Variants in SLC12A7 observed in about 807,000 individuals in gnomAD.
SLC12A7 encodes solute carrier family 12 member 7, also known as K-Cl cotransporter 4.
In SLC12A7, 100 loss-of-function variants were observed where a neutral mutation model predicts 120.6. The ratio of observed to expected loss-of-function variants is 0.83; its 90% CI spans 0.71 to 0.98. The LOEUF (loss-of-function observed/expected upper bound fraction) is 0.98. Among genes scored for constraint, SLC12A7 ranks in the 50% least tolerant of loss-of-function variants. The pLI is 0.00. For missense variants in SLC12A7, 1,373 were observed against 1,548.1 expected (o/e 0.89, Z 1.90); for synonymous variants, 760 against 678.0 (o/e 1.12, Z -1.88).
the SLC12A7 span, among the ~76,000 whole-genome samples, chr5:1,149,084 TC>T: frequency 6.8e-6 from 1 of 146,372 alleles, no homozygotes; most frequent in Non-Finnish European, 1.5e-5. Flanking sequence ...TGTGCAAATG[TC>T]TCTCTGAGCC....
chr5:1,100,248 G>C (rs906860814), intron 1 of SLC12A7, among the ~76,000 whole-genome samples: 1 of 152,318 alleles, frequency 6.6e-6, no homozygotes, highest in East Asian at 1.9e-4. Flanking sequence ...GGTACCCTCC[G>C]CGCCGCCTGA....
the SLC12A7 span, among the ~76,000 whole-genome samples, chr5:1,130,921 G>A: frequency 8.7e-4 from 133 of 152,302 alleles, 1 homozygote; most frequent in East Asian, 0.018. Flanking sequence ...CAACATTGGA[G>A]TAGCACAGGG....
At chr5:1,079,528 T>C in intron 9 of SLC12A7, 32 bp from the exon 10 acceptor site, 1 of 1,564,920 alleles carries the variant, frequency 6.4e-7, no homozygotes, top group Non-Finnish European at 8.8e-7. Flanking sequence ...CAAAGACCCA[T>C]CTGAGGAGTC....
chr5:1,083,686 G>A, intron 8 of SLC12A7, 59 bp downstream of exon 8: 1 of 1,544,318 alleles, frequency 6.5e-7, no homozygotes, highest in Non-Finnish European at 8.9e-7. Context: ...CAGCCACCAG[G>A]GCCAGCGCCT....
intron 8 of SLC12A7, among the ~76,000 whole-genome samples, chr5:1,083,312 G>T (rs998037657): frequency 2.0e-5 from 3 of 152,252 alleles, no homozygotes; most frequent in Non-Finnish European, 2.9e-5. Flanking sequence ...TCCCGTCTCG[G>T]GTTCTGGAGC....
the SLC12A7 span, among the ~76,000 whole-genome samples, chr5:1,130,434 G>A: frequency 6.7e-6 from 1 of 150,038 alleles, no homozygotes; most frequent in Non-Finnish European, 1.5e-5. Flanking sequence ...AGGAAGAGAG[G>A]CTGAATGAAA....
chr5:1,081,827 T>C, intron 8 of SLC12A7, 83 bp from the exon 9 acceptor site: 1 of 1,508,334 alleles, frequency 6.6e-7, no homozygotes, highest in South Asian at 1.3e-5. Context: ...CCCCGGCAGG[T>C]GCCACTGGTG....
upstream of SLC12A7, among the ~76,000 whole-genome samples, chr5:1,115,728 C>T (rs1264784096): frequency 3.3e-5 from 5 of 152,116 alleles, no homozygotes; most frequent in African/African-American, 1.2e-4. Flanking sequence ...CCGCCTTCTG[C>T]CTGGCAGGGC....
At chr5:1,090,907 T>C (rs978470940) in intron 3 of SLC12A7, among the ~76,000 whole-genome samples, 2 of 152,122 alleles carry the variant, frequency 1.3e-5, no homozygotes, top group African/African-American at 4.8e-5. Flanking sequence ...AAAAGGCTCC[T>C]CAATGGGAGC....
the SLC12A7 span, among the ~76,000 whole-genome samples, chr5:1,119,974 C>G: frequency 6.6e-6 from 1 of 152,374 alleles, no homozygotes; most frequent in Non-Finnish European, 1.5e-5. Context: ...GCTGGGACCC[C>G]CCCATAGGTC....
At chr5:1,137,324 A>G in the SLC12A7 span, among the ~76,000 whole-genome samples, 1 of 152,002 alleles carries the variant, frequency 6.6e-6, no homozygotes, top group Non-Finnish European at 1.5e-5. Flanking sequence ...ACTCCGAAGG[A>G]CAAGGATCAG....
Position 1,079,409 on chromosome 5 carries a change from G to C in SLC12A7, c.1385C>G (p.Thr462Arg). The C allele has an allele frequency of 2.5e-6, 4 of 1,612,436 alleles. No homozygotes were observed. Among genetic ancestry groups the C allele is most frequent in the Non-Finnish European group, 3.4e-6 (4 of 1,179,582 alleles). The change falls in exon 10 of 24, where the codon ACG (threonine) becomes AGG (arginine). Residue 462 changes from threonine (T) to arginine (R), a missense_variant. By Grantham distance (71) the Thr-to-Arg change is moderately conservative. Coordinates refer to ENST00000264930, the MANE Select transcript of SLC12A7 (RefSeq NM_006598.3). ...PTGTILAIVT[T>R]SFIYLSCIVL... Reference sequence around the variant, plus strand: ...CCCTCCAAGGATACAGATGAAAGACGTCGTCACTATGGCCAGGATGGTCCC... The same window carrying C: ...CCCTCCAAGGATACAGATGAAAGACCTCGTCACTATGGCCAGGATGGTCCC...
chr5:1,076,771 C>G lies in SLC12A7; in HGVS notation c.1671G>C (p.Ala557=). 2 of 1,611,218 alleles carry G rather than the reference C, an allele frequency of 1.2e-6. No homozygotes were observed. Among genetic ancestry groups the G allele is most frequent in the Non-Finnish European group, 1.7e-6 (2 of 1,179,934 alleles). Reference sequence around the variant, plus strand: ...CGCAGATGAGGACTGTCAGCAGCAGCGCCCACGTGGGCTCCCCGTTGGCCT... The same window carrying G: ...CGCAGATGAGGACTGTCAGCAGCAGGGCCCACGTGGGCTCCCCGTTGGCCT... ...HGKANGEPTW[A]LLLTVLICET... Residue 557 remains alanine (A), a synonymous_variant, in exon 13 of 24, where the codon GCG becomes GCC. Transcript: ENST00000264930.
intron 9 of SLC12A7, among the ~76,000 whole-genome samples, chr5:1,079,921 G>A (rs559445165): frequency 1.7e-3 from 260 of 152,324 alleles, no homozygotes; most frequent in African/African-American, 5.7e-3. Flanking sequence ...CAGACGCTGC[G>A]ACCCCTCCCG....
chr5:1,150,079 C>T, the SLC12A7 span, among the ~76,000 whole-genome samples: 37 of 152,258 alleles, frequency 2.4e-4, no homozygotes, highest in East Asian at 7.1e-3. Flanking sequence ...TATTTAAGCC[C>T]TTTTCCCATT....
chr5:1,064,564 G>C (rs141975421), intron 18 of SLC12A7, among the ~76,000 whole-genome samples: 2 of 152,360 alleles, frequency 1.3e-5, no homozygotes, highest in South Asian at 4.1e-4. Context: ...ACACACCCTC[G>C]GGTCGGTGGC....
At chr5:1,082,069 A>C (rs11739176) in intron 8 of SLC12A7, among the ~76,000 whole-genome samples, 35 of 53,776 alleles carry the variant, frequency 6.5e-4, no homozygotes, top group African/African-American at 1.3e-3. Context: ...TGGGCTTCCC[A>C]TCTTGGGTTC....
At chr5:1,101,184 G>A (rs985172914) in intron 1 of SLC12A7, among the ~76,000 whole-genome samples, 1 of 152,326 alleles carries the variant, frequency 6.6e-6, no homozygotes, top group Non-Finnish European at 1.5e-5. Flanking sequence ...AGCTGGCACT[G>A]GGTGGACTGC....
chr5:1,053,949 A>G (rs1264666433), intron 22 of SLC12A7, among the ~76,000 whole-genome samples: 1 of 152,200 alleles, frequency 6.6e-6, no homozygotes, highest in Non-Finnish European at 1.5e-5. Context: ...CAGGCTGGGC[A>G]CACATGGCCT....
Sources: allele counts gnomAD v4.1 joint callset (sites outside exome capture counted in the v4.1 genomes callset), GRCh38; gene constraint gnomAD v4.1.1; transcripts MANE v1.5; gene names NCBI Gene and HGNC (gene_info 2026-07-23, HGNC 2026-07-21).